The following HIGD2B variants were observed in gnomAD, a reference collection of about 807,000 sequenced individuals.
HIGD2B encodes the protein HIG1 domain family member 2B.
For synonymous variants in HIGD2B, 45 were observed against 28.1 expected, an observed-to-expected ratio of 1.60 and a Z score of -1.90; for missense variants, 106 against 67.0, an observed-to-expected ratio of 1.58 and a Z score of -2.03.
At chr15:72,680,245 TTAAAAA>T (rs2064735097) in intron 1 of HIGD2B, 52 bp from the exon 2 acceptor site, 1 of 153,942 alleles carries the variant, frequency 6.5e-6, no homozygotes, top group Non-Finnish European at 1.4e-5. Context: ...TGATTTACCT[TTAAAAA>T]TAACAAACTT....
intron 2 of HIGD2B, among the ~76,000 whole-genome samples, chr15:72,679,173 C>T (rs748615680): frequency 1.3e-5 from 2 of 151,510 alleles, no homozygotes; most frequent in Non-Finnish European, 2.9e-5. Context: ...AGAGCAGCCT[C>T]GTTAACATGG....
rs765862519 is a variant in HIGD2B, at chr15:72,676,074, C to T, written c.301G>A (p.Ala101Thr). Reference protein sequence around the residue: ...AAILLGLAATAMKSPP With the variant: ...AAILLGLAATTMKSPP ...TGGGCTCAGGGTGGAGACTTCATAG[C>T]GGTGGCAGCTAGACCCAGCAAGATG... The change falls in exon 3 of 3, where the codon GCT becomes ACT. Residue 101 changes from alanine to threonine, a missense_variant. Coordinates refer to ENST00000311755, the MANE Select transcript of HIGD2B (RefSeq NM_001350932.3). 1.3e-5 allele frequency: 10 copies of T among 760,032 alleles called. No homozygotes were observed. Among genetic ancestry groups the T allele is most frequent in the Admixed American group, 1.7e-5 (1 of 58,128 alleles). 47.1% of individuals were successfully genotyped at this position (760,032 alleles called of 1,614,324 possible).
At chr15:72,681,822 G>T (rs1240141770) in intron 1 of HIGD2B, among the ~76,000 whole-genome samples, 1 of 152,108 alleles carries the variant, frequency 6.6e-6, no homozygotes, top group Admixed American at 6.5e-5. Context: ...GGCCAGGCTG[G>T]TCTCAAACTC....
At chr15:72,683,097 A>C (rs1312369811) in intron 1 of HIGD2B, among the ~76,000 whole-genome samples, 2 of 152,222 alleles carry the variant, frequency 1.3e-5, no homozygotes, top group Non-Finnish European at 2.9e-5. Flanking sequence ...ATAATAGAGG[A>C]GTTTTTCTAG....
Position 72,676,141 on chromosome 15 carries a change from C to T in HIGD2B, c.234G>A (p.Met78Ile), listed in dbSNP as rs774907572. 1 of 765,000 alleles carries T rather than the reference C, an allele frequency of 1.3e-6. No homozygotes were observed. The highest frequency in any genetic ancestry group is 1.4e-5 in the South Asian group (1 of 73,796). The allele number at this position is 765,000 out of a possible 1,614,324, so 47.4% of individuals were successfully genotyped here. A position where few individuals can be genotyped will look rare whatever the true frequency, so the allele number is the denominator to read the frequency against. ...HQGNSQCSRL[M>I]MHTQIAAQGF... ...CCTGGGCGGCGATCTGGGTGTGCAT[C>T]ATAAGCCGTGAACATTGGCTGTTGC... Residue 78 changes from methionine (M) to isoleucine (I), a missense_variant, in exon 3 of 3, where the codon ATG becomes ATA. Physicochemically the swap from Met to Ile is conservative, Grantham distance 10. Transcript: ENST00000311755.
chr15:72,682,810 C>G (rs1029946022), intron 1 of HIGD2B: 3 of 249,856 alleles, frequency 1.2e-5, no homozygotes, highest in African/African-American at 6.9e-5. Flanking sequence ...TCTACAGATA[C>G]CAGTTAGCCT....
intron 1 of HIGD2B, among the ~76,000 whole-genome samples, chr15:72,684,396 T>C (rs899690429): frequency 6.6e-6 from 1 of 150,894 alleles, no homozygotes; most frequent in African/African-American, 2.4e-5. Context: ...TTATGTTCCC[T>C]ACCTCCAGAC....
At chr15:72,676,669 C>A (rs1041781735) in intron 2 of HIGD2B, among the ~76,000 whole-genome samples, 8 of 152,154 alleles carry the variant, frequency 5.3e-5, no homozygotes, top group Admixed American at 1.3e-4. Context: ...CCTGCCTTAG[C>A]CTGCCAAAGT....
chr15:72,680,678 G>C (rs2064739792), intron 1 of HIGD2B, among the ~76,000 whole-genome samples: 2 of 152,176 alleles, frequency 1.3e-5, no homozygotes, highest in South Asian at 4.1e-4. Flanking sequence ...CCTGAGCTCA[G>C]GAGTTCAAGA....
At chr15:72,680,918 C>T (rs1393873510) in intron 1 of HIGD2B, among the ~76,000 whole-genome samples, 4 of 151,750 alleles carry the variant, frequency 2.6e-5, no homozygotes, top group African/African-American at 4.8e-5. Flanking sequence ...AGGACTGAGA[C>T]CTGAGATAGT....
rs1466590689 is a variant in HIGD2B at position 72,679,042 on chromosome 15, AGGAG to A, written c.-14+969_-14+972del. ...AAAGAAAAAGAAAAGGAAGGAAGGA[AGGAG>A]GGAAAAGAAAAAAGAAAAAAAAAAG... On this transcript the variant is annotated intron_variant, in intron 2 of 2. Transcript: ENST00000311755. 3.2e-5 allele frequency among the ~76,000 whole-genome samples: 4 copies of A among 125,802 alleles called. No homozygotes were observed. The East Asian group carries it at 8.5e-4, about 27-fold the overall frequency. 82.5% of individuals were successfully genotyped at this position (125,802 alleles called of 152,430 possible). A position where few individuals can be genotyped will look rare whatever the true frequency, so the allele number is the denominator to read the frequency against.
Position 72,675,805 on chromosome 15 carries a change from C to T in HIGD2B, c.*249G>A. 3 of 441,878 alleles carry T rather than the reference C, an allele frequency of 6.8e-6. No homozygotes were observed. Among genetic ancestry groups the T allele is most frequent in the Middle Eastern group, 6.0e-4 (1 of 1,660 alleles). The allele number at this position is 441,878 out of a possible 1,614,324, so 27.4% of individuals were successfully genotyped here. ...TATGTGTGTAATTTTTTACTTTTTTCTTATTTTTAGAGTTTATTAAGCAGG... is the reference window on the plus strand; with the variant it reads ...TATGTGTGTAATTTTTTACTTTTTTTTTATTTTTAGAGTTTATTAAGCAGG... On this transcript the variant is annotated 3_prime_UTR_variant, in exon 3 of 3. Transcript: ENST00000311755.
intron 1 of HIGD2B, chr15:72,682,122 C>T (rs1437646753): frequency 6.6e-6 from 1 of 152,094 alleles, no homozygotes; most frequent in Non-Finnish European, 1.5e-5. Context: ...TCTTTGTTTT[C>T]TTGATTGCTT....
chr15:72,676,886 T>C (rs1300989795), intron 2 of HIGD2B, among the ~76,000 whole-genome samples: 1 of 152,148 alleles, frequency 6.6e-6, no homozygotes, highest in Non-Finnish European at 1.5e-5. Context: ...ACTCTTCGTA[T>C]GTTGACTATG....
chr15:72,685,773 T>C (rs945618505), intron 1 of HIGD2B, 45 bp downstream of exon 1: 11 of 270,020 alleles, frequency 4.1e-5, no homozygotes, highest in African/African-American at 2.4e-4. Flanking sequence ...ATAAGGTGAG[T>C]ACCTCAGTTC....
chr15:72,676,457 T>A (rs1011830416), intron 2 of HIGD2B, 70 bp from the exon 3 acceptor site: 1 of 615,336 alleles, frequency 1.6e-6, no homozygotes, highest in Admixed American at 2.8e-5. Flanking sequence ...CAGGCTGGAG[T>A]GCAGTGGTGC....
chr15:72,686,096 T>C lies in HIGD2B; in HGVS notation c.-471A>G. 1.1e-6 allele frequency: 1 copy of C among 947,206 alleles called. No homozygotes were observed. Among genetic ancestry groups the C allele is most frequent in the Non-Finnish European group, 1.6e-6 (1 of 610,792 alleles). The allele number at this position is 947,206 out of a possible 1,614,324, so 58.7% of individuals were successfully genotyped here. A position where few individuals can be genotyped will look rare whatever the true frequency, so the allele number is the denominator to read the frequency against. On this transcript the variant is annotated 5_prime_UTR_variant, in exon 1 of 3. Transcript: ENST00000311755. ...GAGCAGACCCTAATCCTCCCCCTGA[T>C]TCCTTAGGTCACTCGGCGATTTACT...
chr15:72,683,111 G>A (rs1388086983), intron 1 of HIGD2B, among the ~76,000 whole-genome samples: 1 of 152,192 alleles, frequency 6.6e-6, no homozygotes, highest in East Asian at 1.9e-4. Context: ...TTTCTAGAAT[G>A]TTTTTTGATC....
rs74021405 is a variant in HIGD2B, at chr15:72,685,985, C to G, written c.-360G>C. ...GGTACAGACCATGTACAGACCACGGCGAGGGGTGTTAGGGGCTTCTCGGGA... is the reference window on the plus strand; with the variant it reads ...GGTACAGACCATGTACAGACCACGGGGAGGGGTGTTAGGGGCTTCTCGGGA... On this transcript the variant is annotated 5_prime_UTR_variant, in exon 1 of 3. Coordinates refer to ENST00000311755, the MANE Select transcript of HIGD2B (RefSeq NM_001350932.3). 1,727 of 603,566 alleles carry G rather than the reference C, an allele frequency of 2.9e-3. 18 individuals are homozygous for G. The highest frequency in any genetic ancestry group is 0.028 in the African/African-American group (1,536 of 54,214). The allele number at this position is 603,566 out of a possible 1,614,324, so 37.4% of individuals were successfully genotyped here.
Sources: allele counts gnomAD v4.1 joint callset (sites outside exome capture counted in the v4.1 genomes callset), GRCh38; gene constraint gnomAD v4.1.1; transcripts MANE v1.5; gene names NCBI Gene and HGNC (gene_info 2026-07-23, HGNC 2026-07-21).